Variants in SCFD1 observed in about 807,000 individuals in gnomAD.
SCFD1 encodes sec1 family domain-containing protein 1.
Under a neutral mutation model 103.2 loss-of-function variants are expected in SCFD1, and 37 were observed. That is an observed-to-expected ratio of 0.36 (90% CI 0.28 to 0.47). SCFD1 has a LOEUF of 0.47. Among genes scored for constraint, SCFD1 ranks in the 20% least tolerant of loss-of-function variants. The pLI is 1.00. For synonymous variants in SCFD1, 264 were observed against 245.0 expected, an observed-to-expected ratio of 1.08 and a Z score of -0.73; for missense variants, 639 against 761.2, an observed-to-expected ratio of 0.84 and a Z score of 1.89.
chr14:30,647,975 A>G (rs6571356), intron 7 of SCFD1, among the ~76,000 whole-genome samples: 49,475 of 152,086 alleles, frequency 0.33, 9,137 homozygotes, highest in East Asian at 0.62. Context: ...CAAAGGAGAA[A>G]TTGAAATTAT....
intron 10 of SCFD1, among the ~76,000 whole-genome samples, chr14:30,655,556 G>A (rs1886821202): frequency 6.6e-6 from 1 of 152,178 alleles, no homozygotes; most frequent in Non-Finnish European, 1.5e-5. Flanking sequence ...GGGGGCACAG[G>A]AAGAGCAAGA....
intron 19 of SCFD1, among the ~76,000 whole-genome samples, chr14:30,709,979 A>G (rs1480101035): frequency 6.6e-6 from 1 of 152,216 alleles, no homozygotes; most frequent in African/African-American, 2.4e-5. Context: ...CATATAACTC[A>G]TAATATTTAG....
At chr14:30,637,567 A>G (rs1217625642) in intron 4 of SCFD1, among the ~76,000 whole-genome samples, 1 of 152,154 alleles carries the variant, frequency 6.6e-6, no homozygotes, top group Non-Finnish European at 1.5e-5. Flanking sequence ...ACAGTCAATG[A>G]CATCTTAGAT....
intron 23 of SCFD1, among the ~76,000 whole-genome samples, chr14:30,730,447 A>G (rs544267102): frequency 1.3e-5 from 2 of 152,334 alleles, no homozygotes; most frequent in East Asian, 1.9e-4. Flanking sequence ...GTCTTCCCCA[A>G]TGGTTGAACT....
chr14:30,692,204 C>T (rs1388096111), intron 14 of SCFD1, among the ~76,000 whole-genome samples: 1 of 152,022 alleles, frequency 6.6e-6, no homozygotes, highest in East Asian at 1.9e-4. Flanking sequence ...GTATACACCC[C>T]GTTCTTAGTT....
chr14:30,630,893 G>C, intron 3 of SCFD1: 1 of 235,660 alleles, frequency 4.2e-6, no homozygotes, highest in South Asian at 6.7e-5. Context: ...CTACAATGGG[G>C]TTACATACTT....
chr14:30,694,033 A>G (rs1164694942), intron 14 of SCFD1, among the ~76,000 whole-genome samples: 4 of 152,210 alleles, frequency 2.6e-5, no homozygotes, highest in African/African-American at 9.6e-5. Context: ...CAAGATATTA[A>G]ATAGGAAAAC....
At chr14:30,658,191 G>T in intron 10 of SCFD1, 2 of 436,658 alleles carry the variant, frequency 4.6e-6, no homozygotes, top group Non-Finnish European at 9.1e-6. Context: ...CAAATCTTAG[G>T]TTCTCTTTTT....
chr14:30,701,416 G>A (rs537734898), intron 16 of SCFD1, among the ~76,000 whole-genome samples: 14 of 152,030 alleles, frequency 9.2e-5, no homozygotes, highest in African/African-American at 1.9e-4. Context: ...TTAGCTGGGC[G>A]TGGTGGTGCA....
At chr14:30,674,054 T>C (rs1594670895) in intron 13 of SCFD1, 57 bp downstream of exon 13, 1 of 1,259,498 alleles carries the variant, frequency 7.9e-7, no homozygotes, top group East Asian at 2.4e-5. Flanking sequence ...TTTTTTTTTA[T>C]TTAACTAAAA....
intron 14 of SCFD1, among the ~76,000 whole-genome samples, chr14:30,679,683 C>CTT (rs34886498): frequency 1.4e-5 from 2 of 146,958 alleles, no homozygotes; most frequent in African/African-American, 5.0e-5. Flanking sequence ...CATAAACTGA[C>CTT]TTTTTTTTTT....
intron 21 of SCFD1, 61 bp from the exon 22 acceptor site, chr14:30,721,823 C>T: frequency 7.5e-7 from 1 of 1,334,508 alleles, no homozygotes; most frequent in Non-Finnish European, 1.1e-6. Context: ...TTTCCCATAC[C>T]TATTTTATTC....
intron 21 of SCFD1, among the ~76,000 whole-genome samples, chr14:30,721,209 A>G (rs2139409764): frequency 6.6e-6 from 1 of 152,232 alleles, no homozygotes; most frequent in East Asian, 1.9e-4. Context: ...CTGAACAATT[A>G]AGGAAAGTTA....
intron 10 of SCFD1, among the ~76,000 whole-genome samples, chr14:30,654,367 A>G (rs1299419066): frequency 6.6e-6 from 1 of 152,230 alleles, no homozygotes; most frequent in Non-Finnish European, 1.5e-5. Flanking sequence ...AGACTGCCCA[A>G]CATGTCATAT....
At chr14:30,635,035 G>GTA (rs1320965746) in intron 4 of SCFD1, 4 of 448,388 alleles carry the variant, frequency 8.9e-6, no homozygotes, top group Non-Finnish European at 1.8e-5. Flanking sequence ...TATTGGATAG[G>GTA]TAAGTAACAG....
chr14:30,670,522 A>G, intron 11 of SCFD1, 127 bp downstream of exon 11: 4 of 562,928 alleles, frequency 7.1e-6, no homozygotes, highest in Non-Finnish European at 9.2e-6. Flanking sequence ...GGGGGCTGTA[A>G]TTAGATAGTC....
chr14:30,674,025 G>A lies in SCFD1; in HGVS notation c.1160+28G>A. 2 of 1,543,714 alleles carry A rather than the reference G, an allele frequency of 1.3e-6. 1 individual carries two copies. Among genetic ancestry groups the A allele is most frequent in the Middle Eastern group, 3.4e-4 (2 of 5,866 alleles). On this transcript the variant is annotated intron_variant, in intron 13 of 24. Transcript: ENST00000458591. ...AAGTGAGCAGTATATCCTCTTTGAA[G>A]TCTTTCTGTTGATAGGATTTTTTTT...
At chr14:30,731,681 G>C (rs1893479405) in intron 23 of SCFD1, among the ~76,000 whole-genome samples, 1 of 152,230 alleles carries the variant, frequency 6.6e-6, no homozygotes, top group South Asian at 2.1e-4. Flanking sequence ...GGGAATGCTT[G>C]TGATTTTTGC....
chr14:30,625,375 A>G (rs1239277926), intron 1 of SCFD1, among the ~76,000 whole-genome samples: 1 of 152,166 alleles, frequency 6.6e-6, no homozygotes, highest in Non-Finnish European at 1.5e-5. Flanking sequence ...AAATTTCAAA[A>G]TCCGAGCACC....
Sources: allele counts gnomAD v4.1 joint callset (sites outside exome capture counted in the v4.1 genomes callset), GRCh38; gene constraint gnomAD v4.1.1; transcripts MANE v1.5; gene names NCBI Gene and HGNC (gene_info 2026-07-23, HGNC 2026-07-21).